PCED1B: variants seen among roughly 807,000 people sequenced by gnomAD.
The protein encoded by PCED1B is PC-esterase domain containing 1B.
For synonymous variants in PCED1B, 251 were observed against 246.1 expected (o/e 1.02, Z -0.19); for missense variants, 573 against 573.9 (o/e 1.00, Z 0.02).
At chr12:47,123,195 G>A (rs762890516) in intron 2 of PCED1B, among the ~76,000 whole-genome samples, 8 of 152,106 alleles carry the variant, frequency 5.3e-5, no homozygotes, top group Non-Finnish European at 7.4e-5. Flanking sequence ...GAAGAGATCC[G>A]CATTCAGTTA....
At chr12:47,186,168 A>G (rs561073926) in intron 2 of PCED1B, among the ~76,000 whole-genome samples, 41 of 151,572 alleles carry the variant, frequency 2.7e-4, no homozygotes, top group African/African-American at 9.9e-4. Context: ...CAGTGAGCCA[A>G]GATCGCGCCC....
chr12:47,235,327 G>A lies in PCED1B; in HGVS notation c.264G>A (p.Leu88=). 1 of 1,614,076 alleles carries A rather than the reference G, an allele frequency of 6.2e-7. No homozygotes were observed. The highest frequency in any genetic ancestry group is 8.5e-7 in the Non-Finnish European group (1 of 1,180,044). The change falls in exon 4 of 4, where the codon CTG becomes CTA. Residue 88 remains leucine (L), a synonymous_variant. Coordinates refer to ENST00000546455, the MANE Select transcript of PCED1B (RefSeq NM_138371.3). ...EVREFRSDHH[L]VRFYFLTRVY... ...GCGAGTTCCGCTCCGACCACCATCT[G>A]GTACGTTTTTACTTCCTCACCCGCG...
intron 3 of PCED1B, among the ~76,000 whole-genome samples, chr12:47,226,169 A>G (rs532675286): frequency 6.6e-6 from 1 of 152,348 alleles, no homozygotes; most frequent in South Asian, 2.1e-4. Context: ...AACTACTTAT[A>G]ACTATGATTT....
At chr12:47,139,562 G>C (rs1391811374) in intron 2 of PCED1B, among the ~76,000 whole-genome samples, 1 of 152,148 alleles carries the variant, frequency 6.6e-6, no homozygotes, top group African/African-American at 2.4e-5. Flanking sequence ...AGGGGAGAGA[G>C]AGTTGGAAAT....
chr12:47,101,861 A>G (rs563434567), intron 1 of PCED1B, among the ~76,000 whole-genome samples: 1 of 152,146 alleles, frequency 6.6e-6, no homozygotes, highest in African/African-American at 2.4e-5. Context: ...CAGGAGTGTC[A>G]TTTGAACCCA....
intron 3 of PCED1B, among the ~76,000 whole-genome samples, chr12:47,227,411 G>A (rs1943665760): frequency 6.6e-6 from 1 of 151,994 alleles, no homozygotes; most frequent in African/African-American, 2.4e-5. Flanking sequence ...GACCCCAGGT[G>A]ATCCACCCAC....
intron 2 of PCED1B, among the ~76,000 whole-genome samples, chr12:47,109,128 A>T (rs1211755771): frequency 6.6e-6 from 1 of 152,188 alleles, no homozygotes; most frequent in Admixed American, 6.5e-5. Flanking sequence ...ATGTTTTTGC[A>T]CTTTCCAAAG....
chr12:47,162,356 T>TTTTGC (rs1301535969), intron 2 of PCED1B, among the ~76,000 whole-genome samples: 1 of 152,114 alleles, frequency 6.6e-6, no homozygotes, highest in Admixed American at 6.6e-5. Context: ...ACAAGAAATC[T>TTTTGC]GTTTTGCATT....
chr12:47,133,073 ATT>A (rs1014945840), intron 2 of PCED1B, among the ~76,000 whole-genome samples: 7 of 152,106 alleles, frequency 4.6e-5, no homozygotes, highest in African/African-American at 1.7e-4. Flanking sequence ...AGGGGACTGT[ATT>A]TTCTTTACAT....
chr12:47,136,857 A>C (rs1160373680), intron 2 of PCED1B, among the ~76,000 whole-genome samples: 2 of 152,222 alleles, frequency 1.3e-5, no homozygotes, highest in African/African-American at 4.8e-5. Flanking sequence ...GAAGCATGAT[A>C]TAAAAAGGCC....
intron 2 of PCED1B, among the ~76,000 whole-genome samples, chr12:47,171,352 C>A (rs1338663793): frequency 6.6e-6 from 1 of 152,154 alleles, no homozygotes; most frequent in East Asian, 1.9e-4. Context: ...CAGGCGTGAG[C>A]CACCGTGCCT....
intron 2 of PCED1B, among the ~76,000 whole-genome samples, chr12:47,155,093 C>G (rs1158289888): frequency 6.6e-6 from 1 of 152,038 alleles, no homozygotes; most frequent in East Asian, 1.9e-4. Flanking sequence ...AGATGTGTTG[C>G]CAGGTTGCAA....
intron 2 of PCED1B, among the ~76,000 whole-genome samples, chr12:47,137,515 C>CA (rs1034855398): frequency 4.0e-5 from 6 of 151,752 alleles, no homozygotes; most frequent in African/African-American, 7.3e-5. Context: ...TTCTGTCTTT[C>CA]AAAAAAGGAA....
chr12:47,185,062 G>C (rs961272083), intron 2 of PCED1B, among the ~76,000 whole-genome samples: 2 of 152,130 alleles, frequency 1.3e-5, no homozygotes, highest in African/African-American at 4.8e-5. Flanking sequence ...GTTTCCTCAT[G>C]TTTGTAGCCT....
intron 2 of PCED1B, among the ~76,000 whole-genome samples, chr12:47,186,128 G>C (rs909638151): frequency 6.6e-6 from 1 of 151,780 alleles, no homozygotes; most frequent in Non-Finnish European, 1.5e-5. Flanking sequence ...TGAGGCAGGA[G>C]AACTGCTTGA....
At chr12:47,209,574 G>A (rs1943016050) in intron 2 of PCED1B, 1 of 152,194 alleles carries the variant, frequency 6.6e-6, no homozygotes, top group Non-Finnish European at 1.5e-5. Context: ...AATAATTATT[G>A]TTGATTTTGT....
intron 2 of PCED1B, among the ~76,000 whole-genome samples, chr12:47,137,597 T>G (rs1476609519): frequency 2.0e-5 from 3 of 151,514 alleles, no homozygotes; most frequent in Non-Finnish European, 2.9e-5. Flanking sequence ...GGCACGGTGG[T>G]GCACTCCTGT....
At chr12:47,164,424 T>C (rs4768777) in intron 2 of PCED1B, among the ~76,000 whole-genome samples, 87,294 of 152,110 alleles carry the variant, frequency 0.57, 26,517 homozygotes, top group South Asian at 0.73. Flanking sequence ...CAATTAAATC[T>C]TAGTGCTCCA....
intron 3 of PCED1B, 132 bp from the exon 4 acceptor site, chr12:47,234,875 A>G (rs552015361): frequency 3.1e-4 from 135 of 435,560 alleles, no homozygotes; most frequent in Middle Eastern, 1.8e-3. Flanking sequence ...TTATGCGGGC[A>G]CTCCAGGTCC....
Sources: gnomAD v4.1 joint callset for allele counts (sites outside exome capture counted in the v4.1 genomes callset) on GRCh38, gnomAD v4.1.1 for gene constraint, MANE v1.5 for transcripts, NCBI Gene and HGNC (gene_info 2026-07-23, HGNC 2026-07-21) for gene names.